The following INTS7 variants were observed in gnomAD, a reference collection of about 807,000 sequenced individuals.
INTS7 encodes the protein integrator complex subunit 7.
A neutral mutation model predicts 109.2 loss-of-function variants in INTS7; 46 were observed. The ratio of observed to expected loss-of-function variants is 0.42; its 90% CI spans 0.33 to 0.54. The LOEUF is 0.54. INTS7 is among the 20% of genes least tolerant of loss of function. The pLI is 0.07. For missense variants in INTS7, 929 were observed against 1,132.4 expected (o/e 0.82, Z 2.58); for synonymous variants, 412 against 402.9 (o/e 1.02, Z -0.27).
At position 212,035,521 on chromosome 1, in the gene INTS7, G is replaced by A. The variant is rs2102516609; in HGVS notation, c.-84C>T. ...CGCCATCTTCCCCCGCCGCCTTCTTGCTGGTTTTTCTTCCGCGCGCTGTCA... is the reference window on the plus strand; with the variant it reads ...CGCCATCTTCCCCCGCCGCCTTCTTACTGGTTTTTCTTCCGCGCGCTGTCA... On this transcript the variant is annotated 5_prime_UTR_variant, in exon 1 of 20. Transcript: ENST00000366994. The A allele has an allele frequency of 9.1e-7, 1 of 1,097,866 alleles. No individual in the cohort carries two copies. Among genetic ancestry groups the A allele is most frequent in the South Asian group, 1.3e-5 (1 of 79,496 alleles). 68.0% of individuals were successfully genotyped at this position (1,097,866 alleles called of 1,614,324 possible). A position where few individuals can be genotyped will look rare whatever the true frequency, so the allele number is the denominator to read the frequency against.
In INTS7 at chr1:212,020,969, C is replaced by A. The variant is rs980548669; in HGVS notation, c.224+114G>T. On this transcript the variant is annotated intron_variant, in intron 2 of 19. Transcript: ENST00000366994. ...TGCTGCACACAGTCATGTGTGTCCA[C>A]TAATGGTAACTAACCAGGTGGAAGT... is the stretch of plus-strand genomic sequence containing the variant. 1.5e-5 allele frequency: 14 copies of A among 956,008 alleles called. No individual in the cohort carries two copies. The Admixed American group carries it at 3.7e-4, about 25-fold the overall frequency. 59.2% of individuals were successfully genotyped at this position (956,008 alleles called of 1,614,324 possible). A position where few individuals can be genotyped will look rare whatever the true frequency, so the allele number is the denominator to read the frequency against.
At chr1:211,958,048 G>A (rs1219250766) in intron 16 of INTS7, among the ~76,000 whole-genome samples, 1 of 142,614 alleles carries the variant, frequency 7.0e-6, no homozygotes, top group African/African-American at 2.6e-5. Flanking sequence ...TGCTATAAAC[G>A]GTCAAATATC....
chr1:211,980,838 C>T (rs191676684), intron 10 of INTS7, among the ~76,000 whole-genome samples: 4 of 152,196 alleles, frequency 2.6e-5, no homozygotes, highest in African/African-American at 9.7e-5. Context: ...GGCTTATAAA[C>T]TAGGGCTTAT....
chr1:211,968,921 A>G (rs1270949207), intron 13 of INTS7, among the ~76,000 whole-genome samples: 1 of 152,190 alleles, frequency 6.6e-6, no homozygotes, highest in African/African-American at 2.4e-5. Flanking sequence ...TACAACCACT[A>G]TTCAAAGGTT....
In INTS7 at chr1:212,033,543, T is replaced by G. The variant is rs556195964; in HGVS notation, c.94+1801A>C. On this transcript the variant is annotated intron_variant, in intron 1 of 19. Coordinates refer to ENST00000366994, the MANE Select transcript of INTS7 (RefSeq NM_015434.4). The stretch of plus-strand genomic sequence containing the variant: ...CAACTCTTCTTTAAAAAGGAAAAAT[T>G]GTGGTTTTTTTCTTACAACTGCAAA... Among the ~76,000 whole-genome samples, 31 of 152,270 alleles carry G rather than the reference T, an allele frequency of 2.0e-4. 1 individual carries two copies. In the South Asian group the frequency reaches 6.2e-3, roughly 31 times the overall value.
chr1:212,001,046 CCCTT>C (rs1237834312), intron 7 of INTS7, among the ~76,000 whole-genome samples: 1 of 151,162 alleles, frequency 6.6e-6, no homozygotes, highest in African/African-American at 2.4e-5. Flanking sequence ...TTTCTCTGCT[CCCTT>C]GAGGGCAGAA....
intron 1 of INTS7, among the ~76,000 whole-genome samples, chr1:212,025,132 T>G (rs908040336): frequency 6.6e-6 from 1 of 152,244 alleles, no homozygotes; most frequent in African/African-American, 2.4e-5. Flanking sequence ...TCTTTCTGTA[T>G]GGTAATAAAC....
Position 212,035,330 on chromosome 1 carries a change from T to C in INTS7, c.94+14A>G. 1 of 1,577,898 alleles carries C rather than the reference T, an allele frequency of 6.3e-7. No individual in the cohort carries two copies. Among genetic ancestry groups the C allele is most frequent in the Non-Finnish European group, 8.7e-7 (1 of 1,147,072 alleles). On this transcript the variant is annotated intron_variant, in intron 1 of 19. Transcript: ENST00000366994. ...CACGCCTGTTTCACCCATTCAGCCCTCTCTTTCGAATACCTTTGTCCAATT... is the reference window on the plus strand; with the variant it reads ...CACGCCTGTTTCACCCATTCAGCCCCCTCTTTCGAATACCTTTGTCCAATT...
intron 1 of INTS7, among the ~76,000 whole-genome samples, chr1:212,023,821 G>A (rs1268685135): frequency 6.6e-6 from 1 of 151,960 alleles, no homozygotes; most frequent in African/African-American, 2.4e-5. Context: ...TCCCAATGCT[G>A]ATTTTCTTCT....
chr1:211,977,248 C>A (rs1391690767), intron 11 of INTS7, among the ~76,000 whole-genome samples: 1 of 152,134 alleles, frequency 6.6e-6, no homozygotes, highest in Non-Finnish European at 1.5e-5. Flanking sequence ...GGGGCTTCAA[C>A]TAAACTGTTA....
chr1:212,028,874 G>A (rs1047634524), intron 1 of INTS7, among the ~76,000 whole-genome samples: 5 of 152,178 alleles, frequency 3.3e-5, no homozygotes, highest in African/African-American at 1.2e-4. Context: ...AGCAATTTGC[G>A]TAAGAAACAA....
At chr1:212,002,109 T>C (rs552356094) in intron 7 of INTS7, among the ~76,000 whole-genome samples, 20 of 152,356 alleles carry the variant, frequency 1.3e-4, no homozygotes, top group Admixed American at 1.1e-3. Context: ...CCATTCCAAG[T>C]AAATCACAAT....
At chr1:211,971,915 C>CAAAAAAAAAAAAAAAAAAAA (rs745814699) in intron 13 of INTS7, among the ~76,000 whole-genome samples, 23 of 79,812 alleles carry the variant, frequency 2.9e-4, no homozygotes, top group East Asian at 8.6e-4. Flanking sequence ...AACTCAGTCT[C>CAAAAAAAAAAAAAAAAAAAA]AAAAAAAAAA....
chr1:212,011,872 G>C (rs965882769), intron 4 of INTS7, among the ~76,000 whole-genome samples: 3 of 151,846 alleles, frequency 2.0e-5, no homozygotes, highest in African/African-American at 7.3e-5. Context: ...AGACCTTTAG[G>C]GCTAAGAAAC....
chr1:211,992,785 G>A (rs1230325451), intron 7 of INTS7, among the ~76,000 whole-genome samples: 2 of 152,144 alleles, frequency 1.3e-5, no homozygotes, highest in African/African-American at 2.4e-5. Flanking sequence ...GAAATGATAC[G>A]TCAATCACAT....
At chr1:211,999,805 G>C (rs1273192738) in intron 7 of INTS7, among the ~76,000 whole-genome samples, 1 of 152,110 alleles carries the variant, frequency 6.6e-6, no homozygotes, top group African/African-American at 2.4e-5. Flanking sequence ...GTCTAATCAA[G>C]GAAAAGGGGA....
intron 19 of INTS7, among the ~76,000 whole-genome samples, chr1:211,943,853 C>T (rs1178476224): frequency 6.6e-6 from 1 of 152,222 alleles, no homozygotes; most frequent in African/African-American, 2.4e-5. Flanking sequence ...ATCTGAGTAA[C>T]TTCGCTGCTA....
chr1:211,990,319 A>G (rs1665090372), intron 7 of INTS7, among the ~76,000 whole-genome samples: 1 of 152,124 alleles, frequency 6.6e-6, no homozygotes, highest in Non-Finnish European at 1.5e-5. Context: ...TCTAGCTGCT[A>G]ATATAAGATG....
chr1:211,952,827 G>C, intron 16 of INTS7, 126 bp from the exon 17 acceptor site: 2 of 952,602 alleles, frequency 2.1e-6, no homozygotes, highest in Non-Finnish European at 3.1e-6. Flanking sequence ...TCCATTTACA[G>C]GTGAGAAAAT....
Sources: allele counts gnomAD v4.1 joint callset (sites outside exome capture counted in the v4.1 genomes callset), GRCh38; gene constraint gnomAD v4.1.1; transcripts MANE v1.5; gene names NCBI Gene and HGNC (gene_info 2026-07-23, HGNC 2026-07-21).